Variants in CEP112 observed in about 807,000 individuals in gnomAD.
The protein encoded by CEP112 is centrosomal protein 112.
In CEP112, 127 loss-of-function variants were observed where a neutral mutation model predicts 153.0. That is an observed-to-expected ratio of 0.83 (90% confidence interval 0.72 to 0.96). CEP112 has a LOEUF of 0.96. CEP112 is among the 40% of genes least tolerant of loss of function. The pLI, the probability that CEP112 is intolerant of heterozygous loss-of-function variation, is 0.00. For missense variants in CEP112, 1,089 were observed against 1,101.2 expected (o/e 0.99, Z 0.16); for synonymous variants, 358 against 374.4 (o/e 0.96, Z 0.51).
intron 17 of CEP112, among the ~76,000 whole-genome samples, chr17:65,970,321 C>T (rs1355958185): frequency 1.4e-5 from 2 of 146,782 alleles, no homozygotes; most frequent in Non-Finnish European, 3.0e-5. Flanking sequence ...ATATGTAAAA[C>T]ATATTGCATG....
intron 8 of CEP112, among the ~76,000 whole-genome samples, chr17:66,072,309 AC>A (rs770113056): frequency 1.4e-4 from 22 of 152,208 alleles, no homozygotes; most frequent in Non-Finnish European, 3.1e-4. Flanking sequence ...GATATTATCT[AC>A]TGCACAGTTT....
chr17:65,853,597 T>C (rs1429227745), intron 20 of CEP112, among the ~76,000 whole-genome samples: 1 of 151,934 alleles, frequency 6.6e-6, no homozygotes, highest in Non-Finnish European at 1.5e-5. Flanking sequence ...GGCATGGTGG[T>C]GGGCACCTGT....
chr17:66,081,679 G>C (rs1371722332), intron 8 of CEP112, among the ~76,000 whole-genome samples: 2 of 151,244 alleles, frequency 1.3e-5, no homozygotes, highest in Non-Finnish European at 2.9e-5. Flanking sequence ...CACTCCGGGA[G>C]GCCGAGGCAG....
At chr17:66,140,073 T>C (rs1072788) in intron 4 of CEP112, among the ~76,000 whole-genome samples, 26,466 of 152,172 alleles carry the variant, frequency 0.17, 3,440 homozygotes, top group East Asian at 0.67. Context: ...AAAAGAATCA[T>C]ACACCATAAT....
At chr17:66,033,051 GA>G (rs5821556) in intron 12 of CEP112, among the ~76,000 whole-genome samples, 78,218 of 151,914 alleles carry the variant, frequency 0.51, 21,051 homozygotes, top group African/African-American at 0.59. Context: ...TATGCTGAAT[GA>G]AAAAAATCAC....
intron 4 of CEP112, among the ~76,000 whole-genome samples, chr17:66,172,142 G>A (rs2072270433): frequency 6.6e-6 from 1 of 152,232 alleles, no homozygotes; most frequent in South Asian, 2.1e-4. Context: ...TGCATTCACT[G>A]TTGAATATAG....
intron 23 of CEP112, among the ~76,000 whole-genome samples, chr17:65,722,728 C>T (rs1287574699): frequency 6.6e-6 from 1 of 152,144 alleles, no homozygotes; most frequent in African/African-American, 2.4e-5. Flanking sequence ...AGAGAGAACA[C>T]GATGTTTGAG....
chr17:66,064,863 G>GA (rs1471556751), intron 10 of CEP112, among the ~76,000 whole-genome samples: 2 of 152,254 alleles, frequency 1.3e-5, no homozygotes, highest in East Asian at 1.9e-4. Flanking sequence ...AATATTTGGA[G>GA]AAAAAACCTA....
chr17:65,771,358 G>A (rs2053345139), intron 21 of CEP112, among the ~76,000 whole-genome samples: 1 of 152,088 alleles, frequency 6.6e-6, no homozygotes, highest in African/African-American at 2.4e-5. Flanking sequence ...AAATATGTAT[G>A]TACCTAATTT....
chr17:65,810,448 C>T (rs778966856), intron 21 of CEP112, among the ~76,000 whole-genome samples: 2 of 152,036 alleles, frequency 1.3e-5, no homozygotes, highest in African/African-American at 2.4e-5. Context: ...CTCTAGCCAT[C>T]GGTGACCAGT....
chr17:65,955,980 T>C (rs2061988875), intron 18 of CEP112, among the ~76,000 whole-genome samples: 1 of 152,128 alleles, frequency 6.6e-6, no homozygotes. Flanking sequence ...GAACTTAAAC[T>C]ATACCCTACA....
chr17:65,698,790 C>T (rs1405606842), intron 23 of CEP112, among the ~76,000 whole-genome samples: 3 of 152,118 alleles, frequency 2.0e-5, no homozygotes, highest in East Asian at 3.9e-4. Flanking sequence ...GGAATTTCCT[C>T]GTCTGGCCAG....
At chr17:65,937,077 C>A (rs1307356527) in intron 18 of CEP112, among the ~76,000 whole-genome samples, 1 of 149,172 alleles carries the variant, frequency 6.7e-6, no homozygotes, top group Middle Eastern at 3.2e-3. Flanking sequence ...CTCGGCCTCC[C>A]GAGGTGCCAG....
chr17:65,935,882 AGAAG>A (rs2061289060), intron 18 of CEP112, among the ~76,000 whole-genome samples: 1 of 152,050 alleles, frequency 6.6e-6, no homozygotes, highest in Non-Finnish European at 1.5e-5. Flanking sequence ...TAAAGTTAGG[AGAAG>A]GAAGGAAGTC....
chr17:65,923,259 C>G (rs1451971680), intron 19 of CEP112, among the ~76,000 whole-genome samples: 1 of 152,180 alleles, frequency 6.6e-6, no homozygotes, highest in African/African-American at 2.4e-5. Flanking sequence ...TCTGTCAGCT[C>G]TATCGTCTAC....
intron 16 of CEP112, among the ~76,000 whole-genome samples, chr17:66,021,126 G>A (rs143490624): frequency 1.3e-3 from 204 of 152,206 alleles, no homozygotes; most frequent in Admixed American, 2.7e-3. Flanking sequence ...GAGAGGCCAG[G>A]AGCGTGTGAA....
At chr17:65,946,683 G>C (rs1358698509) in intron 18 of CEP112, among the ~76,000 whole-genome samples, 1 of 152,042 alleles carries the variant, frequency 6.6e-6, no homozygotes, top group African/African-American at 2.4e-5. Flanking sequence ...GTCCCCCTCT[G>C]TTCCCCTAAA....
At chr17:66,155,827 C>A (rs1329706794) in intron 4 of CEP112, among the ~76,000 whole-genome samples, 6 of 152,138 alleles carry the variant, frequency 3.9e-5, no homozygotes, top group African/African-American at 1.4e-4. Context: ...CAGACTGCCT[C>A]TCTAGATTCC....
intron 4 of CEP112, among the ~76,000 whole-genome samples, chr17:66,168,531 A>G (rs2072098159): frequency 1.3e-5 from 2 of 151,448 alleles, no homozygotes; most frequent in Non-Finnish European, 1.5e-5. Context: ...ATATATGTAT[A>G]TATGTGTGTG....
Sources: gnomAD v4.1 joint callset for allele counts (sites outside exome capture counted in the v4.1 genomes callset) on GRCh38, gnomAD v4.1.1 for gene constraint, MANE v1.5 for transcripts, NCBI Gene and HGNC (gene_info 2026-07-23, HGNC 2026-07-21) for gene names.